ANO3: variants seen among roughly 807,000 people sequenced by gnomAD.
The protein encoded by ANO3 is anoctamin 3.
ANO3 carries 99 observed loss-of-function variants against 144.8 expected under a neutral mutation model. That is an observed-to-expected ratio of 0.68 (90% CI 0.58 to 0.81). The LOEUF is 0.81. Among genes scored for constraint, ANO3 ranks in the 30% least tolerant of loss-of-function variants. The pLI is 0.00. For missense variants in ANO3, 905 were observed against 1,202.2 expected (o/e 0.75, Z 3.66); for synonymous variants, 414 against 392.6 (o/e 1.05, Z -0.64).
intron 1 of ANO3, among the ~76,000 whole-genome samples, chr11:26,317,693 A>G (rs1036969510): frequency 5.9e-5 from 9 of 152,234 alleles, no homozygotes; most frequent in Non-Finnish European, 1.2e-4. Flanking sequence ...TGTGGAAGAC[A>G]GTGTGGAGAT....
chr11:26,206,720 T>C (rs1289318991), intron 1 of ANO3, among the ~76,000 whole-genome samples: 2 of 152,152 alleles, frequency 1.3e-5, no homozygotes, highest in Non-Finnish European at 2.9e-5. Flanking sequence ...ATTACTGAAG[T>C]TTTGGCATGC....
intron 1 of ANO3, among the ~76,000 whole-genome samples, chr11:26,385,903 T>TATATATATATATATATATATATATATA (rs58078292): frequency 5.4e-5 from 8 of 148,798 alleles, no homozygotes; most frequent in African/African-American, 7.6e-5. Context: ...GTATATATAT[T>TATATATATATATATATATATATATATA]TATATACATA....
intron 14 of ANO3, among the ~76,000 whole-genome samples, chr11:26,592,827 G>A (rs1184251475): frequency 6.6e-6 from 1 of 151,968 alleles, no homozygotes; most frequent in African/African-American, 2.4e-5. Context: ...GCAGGCAAAA[G>A]TATTTTTCCT....
intron 17 of ANO3, among the ~76,000 whole-genome samples, chr11:26,611,056 C>G (rs774022691): frequency 6.6e-6 from 1 of 151,930 alleles, no homozygotes; most frequent in Non-Finnish European, 1.5e-5. Flanking sequence ...TAAGATTTCT[C>G]ATATTTGTTA....
chr11:26,294,923 G>A (rs767930188), intron 1 of ANO3, among the ~76,000 whole-genome samples: 1 of 151,206 alleles, frequency 6.6e-6, no homozygotes, highest in African/African-American at 2.4e-5. Flanking sequence ...TTTTTGAGAC[G>A]GAGTCTTTCT....
chr11:26,400,914 A>G (rs1857131338), intron 1 of ANO3, among the ~76,000 whole-genome samples: 1 of 151,862 alleles, frequency 6.6e-6, no homozygotes, highest in African/African-American at 2.4e-5. Context: ...CACACATTAT[A>G]CTTCAAAAAA....
Position 26,224,523 on chromosome 11 carries a change from A to G in ANO3, c.154+35193A>G, listed in dbSNP as rs182979090. 1.5e-3 allele frequency among the ~76,000 whole-genome samples: 227 copies of G among 152,308 alleles called. 2 individuals carry two copies. The highest frequency in any genetic ancestry group is 5.2e-3 in the African/African-American group (217 of 41,582). ...GTTCACCACCTATACATGCCCCCTC[A>G]GGGGCTCCTCCAATAGTACCCTTAT... On this transcript the variant is annotated intron_variant, in intron 1 of 27. Transcript: ENST00000672621.
chr11:26,205,449 T>C (rs1207695618), intron 1 of ANO3, among the ~76,000 whole-genome samples: 1 of 152,192 alleles, frequency 6.6e-6, no homozygotes, highest in Non-Finnish European at 1.5e-5. Flanking sequence ...TGTCTCATTA[T>C]AAAGTCCAAC....
At chr11:26,275,850 TTTAA>T (rs1853547538) in intron 1 of ANO3, among the ~76,000 whole-genome samples, 1 of 152,186 alleles carries the variant, frequency 6.6e-6, no homozygotes, top group Non-Finnish European at 1.5e-5. Context: ...GCTAAAGAAC[TTTAA>T]TTAAATAATC....
chr11:26,359,824 T>C (rs181092885), intron 1 of ANO3, among the ~76,000 whole-genome samples: 33 of 152,200 alleles, frequency 2.2e-4, no homozygotes, highest in Non-Finnish European at 4.1e-4. Flanking sequence ...GATGGGAAGG[T>C]ATATCTAGTT....
chr11:26,463,303 T>G lies in ANO3; in HGVS notation c.432+155T>G, dbSNP rs551931354. On this transcript the variant is annotated intron_variant, in intron 4 of 26. Coordinates refer to ENST00000256737, the MANE Select transcript of ANO3 (RefSeq NM_031418.4). Reference sequence around the variant, plus strand: ...GAACTCAGAAGCAAAAAGTTGTATATAGAGTTGATATTCATATTTGTTATA... The same window carrying G: ...GAACTCAGAAGCAAAAAGTTGTATAGAGAGTTGATATTCATATTTGTTATA... Among the ~76,000 whole-genome samples the G allele has an allele frequency of 2.0e-5, 3 of 152,004 alleles. No homozygotes were observed. The East Asian group carries it at 5.8e-4, about 30-fold the overall frequency.
chr11:26,517,290 CGTAT>C (rs1861900357), intron 6 of ANO3, among the ~76,000 whole-genome samples: 1 of 151,924 alleles, frequency 6.6e-6, no homozygotes, highest in South Asian at 2.1e-4. Flanking sequence ...GCATTTTCTT[CGTAT>C]GTAAATTGTT....
chr11:26,406,670 T>C (rs1170437665), intron 1 of ANO3, among the ~76,000 whole-genome samples: 1 of 138,798 alleles, frequency 7.2e-6, no homozygotes, highest in Non-Finnish European at 1.5e-5. Flanking sequence ...TCCAATAATC[T>C]ATGGCAGTGT....
chr11:26,478,683 C>G (rs925778429), intron 4 of ANO3, among the ~76,000 whole-genome samples: 1 of 151,926 alleles, frequency 6.6e-6, no homozygotes, highest in Admixed American at 6.6e-5. Flanking sequence ...GTTTCTTTAC[C>G]CAAAACCTTT....
At chr11:26,314,110 T>C (rs1854568002) in intron 1 of ANO3, among the ~76,000 whole-genome samples, 2 of 152,044 alleles carry the variant, frequency 1.3e-5, no homozygotes, top group African/African-American at 4.8e-5. Flanking sequence ...TAAGGCCTTA[T>C]CAAGAGAGTA....
intron 14 of ANO3, among the ~76,000 whole-genome samples, chr11:26,588,746 T>C (rs1210374805): frequency 1.3e-5 from 2 of 152,218 alleles, no homozygotes; most frequent in Non-Finnish European, 2.9e-5. Flanking sequence ...AGTCCCAGCC[T>C]AGGAATCACT....
intron 3 of ANO3, among the ~76,000 whole-genome samples, chr11:26,454,122 C>G (rs906384015): frequency 1.3e-5 from 2 of 151,934 alleles, no homozygotes; most frequent in African/African-American, 4.8e-5. Flanking sequence ...CAAGAGAAAG[C>G]AGGAAAGATC....
chr11:26,329,346 A>G (rs1854979134), upstream of ANO3, among the ~76,000 whole-genome samples: 1 of 148,294 alleles, frequency 6.7e-6, no homozygotes, highest in Non-Finnish European at 1.5e-5. Context: ...AGAGAGAGAG[A>G]GGAATCTTTT....
At chr11:26,589,379 AAAG>A (rs1673999043) in intron 14 of ANO3, among the ~76,000 whole-genome samples, 1 of 151,562 alleles carries the variant, frequency 6.6e-6, no homozygotes, top group Non-Finnish European at 1.5e-5. Flanking sequence ...AGTTACAAAG[AAAG>A]AAGGAGAAAA....
Sources: gnomAD v4.1 joint callset for allele counts (sites outside exome capture counted in the v4.1 genomes callset) on GRCh38, gnomAD v4.1.1 for gene constraint, MANE v1.5 for transcripts, NCBI Gene and HGNC (gene_info 2026-07-23, HGNC 2026-07-21) for gene names.